Variants in RYR3 observed in about 807,000 individuals in gnomAD.
RYR3 encodes the protein brain ryanodine receptor-calcium release channel.
RYR3 carries 207 observed loss-of-function variants against 584.3 expected under a neutral mutation model. That is an observed-to-expected ratio of 0.35 (90% CI 0.32 to 0.40). The LOEUF (loss-of-function observed/expected upper bound fraction) is 0.40. Among genes scored for constraint, RYR3 ranks in the 10% least tolerant of loss-of-function variants. The pLI is 1.00. For synonymous variants in RYR3, 2,416 were observed against 2,248.5 expected (o/e 1.07, Z -2.11); for missense variants, 5,616 against 6,089.2 (o/e 0.92, Z 2.59).
chr15:33,635,179 G>A (rs997959775), intron 25 of RYR3, among the ~76,000 whole-genome samples: 4 of 152,192 alleles, frequency 2.6e-5, no homozygotes, highest in African/African-American at 9.7e-5. Flanking sequence ...CATGCCCCAG[G>A]AGGCACAGTA....
intron 2 of RYR3, among the ~76,000 whole-genome samples, chr15:33,499,212 C>T (rs1226125128): frequency 6.6e-6 from 1 of 150,544 alleles, no homozygotes; most frequent in South Asian, 2.1e-4. Flanking sequence ...CCCTGCCTCT[C>T]CTCCTCTCTC....
chr15:33,458,349 T>G (rs1263249080), intron 1 of RYR3, among the ~76,000 whole-genome samples: 1 of 152,120 alleles, frequency 6.6e-6, no homozygotes, highest in Non-Finnish European at 1.5e-5. Flanking sequence ...AGCTGGGACG[T>G]CTATTTTTGT....
chr15:33,352,195 G>T (rs1034931581), intron 1 of RYR3, among the ~76,000 whole-genome samples: 1 of 151,994 alleles, frequency 6.6e-6, no homozygotes, highest in Admixed American at 6.6e-5. Context: ...AATATTTTCA[G>T]TCTTTATCAA....
intron 49 of RYR3, among the ~76,000 whole-genome samples, chr15:33,737,791 A>G (rs1359299264): frequency 6.6e-6 from 1 of 152,228 alleles, no homozygotes; most frequent in African/African-American, 2.4e-5. Context: ...ATATCACTCA[A>G]TAAGCTCACT....
At chr15:33,579,644 T>C (rs1263940261) in intron 12 of RYR3, among the ~76,000 whole-genome samples, 1 of 152,170 alleles carries the variant, frequency 6.6e-6, no homozygotes, top group African/African-American at 2.4e-5. Context: ...AGGGAAATCA[T>C]GGTTAGACAT....
chr15:33,707,610 C>T (rs2066809128), intron 43 of RYR3, among the ~76,000 whole-genome samples: 1 of 152,156 alleles, frequency 6.6e-6, no homozygotes, highest in Non-Finnish European at 1.5e-5. Flanking sequence ...GAATAATATG[C>T]TGAATATTAT....
intron 1 of RYR3, among the ~76,000 whole-genome samples, chr15:33,336,480 GAGAGA>G (rs1971057861): frequency 9.6e-5 from 2 of 20,784 alleles, no homozygotes; most frequent in African/African-American, 1.2e-3. Flanking sequence ...GAGAGAGAGA[GAGAGA>G]GAAAGAAAGA....
At chr15:33,584,146 G>C (rs2058726778) in intron 14 of RYR3, among the ~76,000 whole-genome samples, 2 of 152,168 alleles carry the variant, frequency 1.3e-5, no homozygotes, top group Non-Finnish European at 1.5e-5. Flanking sequence ...GCTGAGGCGA[G>C]AGGATCACTT....
rs2057483532 is a variant in RYR3 at position 33,562,822 on chromosome 15, T to C, written c.973-15T>C. 2 of 1,600,076 alleles carry C rather than the reference T, an allele frequency of 1.2e-6. No individual in the cohort carries two copies. Among genetic ancestry groups the C allele is most frequent in the Middle Eastern group, 1.7e-4 (1 of 6,036 alleles). On this transcript the variant is annotated splice_polypyrimidine_tract_variant and intron_variant, in intron 10 of 103. Coordinates refer to ENST00000634891, the MANE Select transcript of RYR3 (RefSeq NM_001036.6). ...CAGCTATGCCTATGTTTGTTTCTTT[T>C]TGTGTATGAATTAGGAACTCAAGGA...
At chr15:33,415,273 G>A (rs2043718198) in intron 1 of RYR3, among the ~76,000 whole-genome samples, 1 of 152,152 alleles carries the variant, frequency 6.6e-6, no homozygotes, top group Non-Finnish European at 1.5e-5. Flanking sequence ...TACTAGAAAA[G>A]TTAAAATTAC....
In RYR3 at chr15:33,379,687, C is replaced by CTCTCTCTCTCTCTATATA; in HGVS notation, c.51+68592_51+68593insCTCTCTCTCTCTATATAT. ...TGTCCCTCTCTCTCTCTCTCTCTCT[C>CTCTCTCTCTCTCTATATA]TATATATATATATATATATATGAAT... is the stretch of plus-strand genomic sequence containing the variant. On this transcript the variant is annotated intron_variant, in intron 1 of 103. Coordinates refer to ENST00000634891, the MANE Select transcript of RYR3 (RefSeq NM_001036.6). Among the ~76,000 whole-genome samples, 117 of 125,502 alleles carry CTCTCTCTCTCTCTATATA rather than the reference C, an allele frequency of 9.3e-4. 2 individuals carry two copies. Among genetic ancestry groups the CTCTCTCTCTCTCTATATA allele is most frequent in the African/African-American group, 3.9e-3 (109 of 28,192 alleles). 82.3% of individuals were successfully genotyped at this position (125,502 alleles called of 152,430 possible). A position where few individuals can be genotyped will look rare whatever the true frequency, so the allele number is the denominator to read the frequency against.
At chr15:33,641,865 A>T (rs775280768) in intron 27 of RYR3, among the ~76,000 whole-genome samples, 1 of 152,144 alleles carries the variant, frequency 6.6e-6, no homozygotes, top group Non-Finnish European at 1.5e-5. Flanking sequence ...TTTACTCTCT[A>T]GTGAATGCAG....
intron 1 of RYR3, among the ~76,000 whole-genome samples, chr15:33,335,019 C>CA (rs560724206): frequency 6.6e-6 from 1 of 152,028 alleles, no homozygotes; most frequent in Non-Finnish European, 1.5e-5. Flanking sequence ...ATTAAAAAGC[C>CA]AAAAAATAAC....
At position 33,425,843 on chromosome 15, in the gene RYR3, C is replaced by T. The variant is rs550626540; in HGVS notation, c.52-47576C>T. 1.8e-3 allele frequency among the ~76,000 whole-genome samples: 270 copies of T among 151,932 alleles called. 1 individual carries two copies. The highest frequency in any genetic ancestry group is 6.8e-3 in the Middle Eastern group (2 of 294). ...ATTTTTAGTAGAGACGGGGTTTCACCGTGTTAGCCAGGATGGTCTCAATCT... is the reference window on the plus strand; with the variant it reads ...ATTTTTAGTAGAGACGGGGTTTCACTGTGTTAGCCAGGATGGTCTCAATCT... On this transcript the variant is annotated intron_variant, in intron 1 of 103. Transcript: ENST00000634891.
chr15:33,638,932 T>A (rs543732449), intron 27 of RYR3, among the ~76,000 whole-genome samples: 1 of 152,110 alleles, frequency 6.6e-6, no homozygotes, highest in East Asian at 1.9e-4. Context: ...GGTAGAAGAT[T>A]TGTGTGTGGA....
chr15:33,863,731 G>A (rs1307208171), intron 102 of RYR3, among the ~76,000 whole-genome samples: 1 of 152,154 alleles, frequency 6.6e-6, no homozygotes, highest in Non-Finnish European at 1.5e-5. Context: ...ATATTCTTGA[G>A]ACACACACAT....
chr15:33,725,154 T>TACACACACACAC (rs58951939), intron 45 of RYR3, among the ~76,000 whole-genome samples: 96 of 113,888 alleles, frequency 8.4e-4, no homozygotes, highest in African/African-American at 2.6e-3. Flanking sequence ...TCCAACACCT[T>TACACACACACAC]ACACACACAC....
intron 74 of RYR3, among the ~76,000 whole-genome samples, chr15:33,813,981 C>A (rs753048086): frequency 6.6e-6 from 1 of 152,226 alleles, no homozygotes; most frequent in Non-Finnish European, 1.5e-5. Flanking sequence ...GAACTTGACA[C>A]TGAAATTACC....
intron 59 of RYR3, among the ~76,000 whole-genome samples, chr15:33,756,828 A>C (rs1327123845): frequency 6.6e-6 from 1 of 152,020 alleles, no homozygotes; most frequent in African/African-American, 2.4e-5. Context: ...TACATATGGT[A>C]CCCTCTTCTG....
Sources: allele counts gnomAD v4.1 joint callset (sites outside exome capture counted in the v4.1 genomes callset), GRCh38; gene constraint gnomAD v4.1.1; transcripts MANE v1.5; gene names NCBI Gene and HGNC (gene_info 2026-07-23, HGNC 2026-07-21).